ZC3H12A: variants seen among roughly 807,000 people sequenced by gnomAD.
ZC3H12A encodes zinc finger CCCH-type containing 12A.
In ZC3H12A, 9 loss-of-function variants were observed where a neutral mutation model predicts 29.9. The ratio of observed to expected loss-of-function variants is 0.30; its 90% confidence interval spans 0.18 to 0.53. The LOEUF (loss-of-function observed/expected upper bound fraction) is 0.53, where lower values mean the gene tolerates loss of function less well. Ranked by LOEUF, ZC3H12A falls within the 20% of genes least tolerant of loss-of-function variation. ZC3H12A has a pLI of 0.96. For missense variants in ZC3H12A, 617 were observed against 799.0 expected, an observed-to-expected ratio of 0.77 and a Z score of 2.75; for synonymous variants, 323 against 338.1, an observed-to-expected ratio of 0.96 and a Z score of 0.49.
Position 37,475,441 on chromosome 1 carries a change from AC to A in ZC3H12A, c.-38-15del. On this transcript the variant is annotated splice_polypyrimidine_tract_variant and intron_variant, in intron 1 of 5. Coordinates refer to ENST00000373087, the MANE Select transcript of ZC3H12A (RefSeq NM_025079.3). The surrounding 1 kb of genome is among the most constrained non-coding windows in gnomAD (Gnocchi z 5.2). ...GAGAGAGCGCTATTCACCGTCCCTA[AC>A]CCTGTTGGTTGTTCAGTAGGAGCTG... 6.5e-7 allele frequency: 1 copy of A among 1,539,868 alleles called. No homozygotes were observed. The highest frequency in any genetic ancestry group is 8.7e-7 in the Non-Finnish European group (1 of 1,142,934).
chr1:37,483,638 C>G lies in ZC3H12A; in HGVS notation c.*27C>G. The G allele has an allele frequency of 1.3e-6, 2 of 1,556,536 alleles. No individual in the cohort carries two copies. Among genetic ancestry groups the G allele is most frequent in the African/African-American group, 1.4e-5 (1 of 73,696 alleles). On this transcript the variant is annotated 3_prime_UTR_variant, in exon 6 of 6. Coordinates refer to ENST00000373087, the MANE Select transcript of ZC3H12A (RefSeq NM_025079.3). Reference sequence around the variant, plus strand: ...CTGCCTGTGGCTGGCAAGGGCAGCACCCCCAGCCTCCAAGGGCCGTCAGGC... The same window carrying G: ...CTGCCTGTGGCTGGCAAGGGCAGCAGCCCCAGCCTCCAAGGGCCGTCAGGC...
rs41267297 is a variant in ZC3H12A, at chr1:37,476,061, G to A, written c.443+122G>A. ...TGGAAGAAGTGACTTCCTTCTTAGG[G>A]ACTGGTCTAGAGGGAGGGAAAGCCT... On this transcript the variant is annotated intron_variant, in intron 2 of 5. Coordinates refer to ENST00000373087, the MANE Select transcript of ZC3H12A (RefSeq NM_025079.3). The surrounding 1 kb of genome is among the most constrained non-coding windows in gnomAD (Gnocchi z 6.0). 129,593 of 1,092,878 alleles carry A rather than the reference G, an allele frequency of 0.12. 9,576 individuals carry two copies. The highest frequency in any genetic ancestry group is 0.38 in the East Asian group (14,378 of 37,746). The allele number at this position is 1,092,878 out of a possible 1,614,324, so 67.7% of individuals were successfully genotyped here. A position where few individuals can be genotyped will look rare whatever the true frequency, so the allele number is the denominator to read the frequency against.
intron 2 of ZC3H12A, among the ~76,000 whole-genome samples, chr1:37,477,304 T>A (rs1404022138): frequency 6.6e-6 from 1 of 152,122 alleles, no homozygotes; most frequent in Non-Finnish European, 1.5e-5. Context: ...TATGTGTTTG[T>A]ATCCAGAAGG....
At chr1:37,480,030 G>A in intron 2 of ZC3H12A, 2 of 1,210,150 alleles carry the variant, frequency 1.7e-6, no homozygotes, top group East Asian at 3.5e-5. Context: ...GAAAGTCCCA[G>A]CGGGGCCTGG....
rs916875671 is a variant in ZC3H12A at position 37,474,594 on chromosome 1, T to C, written c.-74T>C. On this transcript the variant is annotated 5_prime_UTR_variant, in exon 1 of 6. An upstream start codon of the reference 5' UTR is lost. Transcript: ENST00000373087. ...TCCTTACCCCCAGGACTCGGCCCCA[T>C]GGAGACGCCGCCGGCCGCCGCTGGC... 2 of 151,614 alleles carry C rather than the reference T, an allele frequency of 1.3e-5. No individual in the cohort carries two copies. The highest frequency in any genetic ancestry group is 4.8e-5 in the African/African-American group (2 of 41,322). The allele number at this position is 151,614 out of a possible 1,614,324, so 9.4% of individuals were successfully genotyped here.
Position 37,476,380 on chromosome 1 carries a change from G to A in ZC3H12A, c.443+441G>A, listed in dbSNP as rs1459507754. ...GTAGTGGTAGTAGGCAGTGGTAGTAGCAGTTGTTGTTGTTATTTCAGGGGC... is the reference window on the plus strand; with the variant it reads ...GTAGTGGTAGTAGGCAGTGGTAGTAACAGTTGTTGTTGTTATTTCAGGGGC... On this transcript the variant is annotated intron_variant, in intron 2 of 5. Transcript: ENST00000373087. The surrounding 1 kb of genome is among the most constrained non-coding windows in gnomAD (Gnocchi z 6.0). Among the ~76,000 whole-genome samples the A allele has an allele frequency of 1.3e-5, 2 of 152,196 alleles. No homozygotes were observed. The highest frequency in any genetic ancestry group is 2.9e-5 in the Non-Finnish European group (2 of 68,028).
At position 37,475,439 on chromosome 1, in the gene ZC3H12A, T is replaced by C; in HGVS notation, c.-38-20T>C. 6.5e-7 allele frequency: 1 copy of C among 1,538,002 alleles called. No homozygotes were observed. The highest frequency in any genetic ancestry group is 8.8e-7 in the Non-Finnish European group (1 of 1,142,020). On this transcript the variant is annotated intron_variant, in intron 1 of 5. Coordinates refer to ENST00000373087, the MANE Select transcript of ZC3H12A (RefSeq NM_025079.3). This position sits in a 1 kb window ranked among gnomAD's most constrained non-coding sequence, Gnocchi z 5.2. ...AGGAGAGAGCGCTATTCACCGTCCC[T>C]AACCCTGTTGGTTGTTCAGTAGGAG...
At chr1:37,480,927 G>C (rs1485958607) in intron 3 of ZC3H12A, among the ~76,000 whole-genome samples, 1 of 152,230 alleles carries the variant, frequency 6.6e-6, no homozygotes, top group Non-Finnish European at 1.5e-5. Flanking sequence ...GCTGAGAAGA[G>C]TACCTGGCAC....
Position 37,478,806 on chromosome 1 carries a change from T to C in ZC3H12A, c.444-1484T>C. On this transcript the variant is annotated intron_variant, in intron 2 of 5. Coordinates refer to ENST00000373087, the MANE Select transcript of ZC3H12A (RefSeq NM_025079.3). This position sits in a 1 kb window ranked among gnomAD's most constrained non-coding sequence, Gnocchi z 5.2. Reference sequence around the variant, plus strand: ...CTGATGATTCAGTGTTAGACACTTATAACAGGGCCTGGTTCACAGCTCTCA... The same window carrying C: ...CTGATGATTCAGTGTTAGACACTTACAACAGGGCCTGGTTCACAGCTCTCA... 4 of 981,328 alleles carry C rather than the reference T, an allele frequency of 4.1e-6. No individual in the cohort carries two copies. The highest frequency in any genetic ancestry group is 4.7e-5 in the South Asian group (1 of 21,220). 60.8% of individuals were successfully genotyped at this position (981,328 alleles called of 1,614,324 possible). A position where few individuals can be genotyped will look rare whatever the true frequency, so the allele number is the denominator to read the frequency against.
chr1:37,482,859 A>G lies in ZC3H12A; in HGVS notation c.1048A>G (p.Ser350Gly), dbSNP rs745430492. The G allele has an allele frequency of 3.7e-6, 6 of 1,613,984 alleles. No individual in the cohort carries two copies. The highest frequency in any genetic ancestry group is 5.1e-6 in the Non-Finnish European group (6 of 1,180,042). ...NALLSPPRAP[S>G]KDKNGRRPSP... ...TCTCCTCTCACCCCCCAGAGCCCCAAGCAAGGACAAAAATGGCCGGCGGCC... is the reference window on the plus strand; with the variant it reads ...TCTCCTCTCACCCCCCAGAGCCCCAGGCAAGGACAAAAATGGCCGGCGGCC... Residue 350 changes from serine (S) to glycine (G), a missense_variant, in exon 6 of 6, where the codon AGC (serine) becomes GGC (glycine). Coordinates refer to ENST00000373087, the MANE Select transcript of ZC3H12A (RefSeq NM_025079.3).
At chr1:37,481,972 C>A in intron 4 of ZC3H12A, 137 bp downstream of exon 4, 2 of 817,544 alleles carry the variant, frequency 2.4e-6, no homozygotes, top group South Asian at 1.7e-5. Context: ...TGGCTCCAGG[C>A]AGCTTTGAGA....
At chr1:37,480,109 C>T in intron 2 of ZC3H12A, 181 bp from the exon 3 acceptor site, 2 of 1,323,800 alleles carry the variant, frequency 1.5e-6, no homozygotes, top group African/African-American at 1.5e-5. Flanking sequence ...CTGCAGAGGG[C>T]CAGGGCCTGA....
chr1:37,480,213 C>T, intron 2 of ZC3H12A, 77 bp from the exon 3 acceptor site: 1 of 1,550,312 alleles, frequency 6.5e-7, no homozygotes. Context: ...GGTGTGACCA[C>T]CTCCCTCCTC....
At position 37,475,916 on chromosome 1, in the gene ZC3H12A, C is replaced by A. The variant is rs200024950; in HGVS notation, c.420C>A (p.Ile140=). The change falls in exon 2 of 6, where the codon ATC becomes ATA. Residue 140 remains isoleucine, a synonymous_variant. Coordinates refer to ENST00000373087, the MANE Select transcript of ZC3H12A (RefSeq NM_025079.3). The surrounding 1 kb of genome is among the most constrained non-coding windows in gnomAD (Gnocchi z 5.2). ...KEGSDLRPVV[I]DGSNVAMSHG... ...GCAGCGACCTGAGACCAGTGGTCATCGATGGGAGCAACGTGGCCATGAGGT... is the reference window on the plus strand; with the variant it reads ...GCAGCGACCTGAGACCAGTGGTCATAGATGGGAGCAACGTGGCCATGAGGT... 4.0e-6 allele frequency: 6 copies of A among 1,515,390 alleles called. No homozygotes were observed. The African/African-American group carries it at 4.2e-5, about 11-fold the overall frequency. 93.9% of individuals were successfully genotyped at this position (1,515,390 alleles called of 1,614,324 possible). A position where few individuals can be genotyped will look rare whatever the true frequency, so the allele number is the denominator to read the frequency against.
At position 37,479,421 on chromosome 1, in the gene ZC3H12A, T is replaced by C. The variant is rs539933565; in HGVS notation, c.444-869T>C. The stretch of plus-strand genomic sequence containing the variant: ...GCCCAGGAGCCCTGCCAGGCTTCCT[T>C]CTGGGTGCAGCCACCTGTGGGTGGG... On this transcript the variant is annotated intron_variant, in intron 2 of 5. Transcript: ENST00000373087. The surrounding 1 kb of genome is among the most constrained non-coding windows in gnomAD (Gnocchi z 4.5). The C allele has an allele frequency of 1.0e-6, 1 of 985,420 alleles. No individual in the cohort carries two copies. The highest frequency in any genetic ancestry group is 4.7e-5 in the South Asian group (1 of 21,292). 61.0% of individuals were successfully genotyped at this position (985,420 alleles called of 1,614,324 possible). A position where few individuals can be genotyped will look rare whatever the true frequency, so the allele number is the denominator to read the frequency against.
intron 2 of ZC3H12A, 24 bp from the exon 3 acceptor site, chr1:37,480,266 C>G (rs774990977): frequency 3.1e-6 from 5 of 1,605,620 alleles, no homozygotes; most frequent in Non-Finnish European, 4.3e-6. Context: ...TCAGTGTGGG[C>G]TAACCCTGTC....
rs1641653141 is a variant in ZC3H12A at position 37,479,381 on chromosome 1, C to T, written c.444-909C>T. On this transcript the variant is annotated intron_variant, in intron 2 of 5. Transcript: ENST00000373087. This position sits in a 1 kb window ranked among gnomAD's most constrained non-coding sequence, Gnocchi z 4.5. ...CTGGGCCCATTTTCAGATAGAGGAA[C>T]GGAGAGCTGCGGCAGCCCAGGAGCC... 6.1e-6 allele frequency: 6 copies of T among 985,302 alleles called. No individual in the cohort carries two copies. The highest frequency in any genetic ancestry group is 1.7e-5 in the African/African-American group (1 of 57,236). 61.0% of individuals were successfully genotyped at this position (985,302 alleles called of 1,614,324 possible). A position where few individuals can be genotyped will look rare whatever the true frequency, so the allele number is the denominator to read the frequency against.
At chr1:37,480,682 C>T (rs1641683538) in intron 3 of ZC3H12A, among the ~76,000 whole-genome samples, 1 of 152,208 alleles carries the variant, frequency 6.6e-6, no homozygotes, top group African/African-American at 2.4e-5. Flanking sequence ...TTTCAACATC[C>T]CCAGTGGCAG....
chr1:37,476,538 T>G lies in ZC3H12A; in HGVS notation c.443+599T>G, dbSNP rs1641594354. On this transcript the variant is annotated intron_variant, in intron 2 of 5. Transcript: ENST00000373087. The surrounding 1 kb of genome is among the most constrained non-coding windows in gnomAD (Gnocchi z 6.0). ...GGGCAGGTGGCCTGATGCTCTGGCC[T>G]CAGGCGAGCTGCAACTTGGATCCCT... 6.6e-6 allele frequency among the ~76,000 whole-genome samples: 1 copy of G among 152,144 alleles called. No individual in the cohort carries two copies. The highest frequency in any genetic ancestry group is 1.5e-5 in the Non-Finnish European group (1 of 68,024).
Sources: gnomAD v4.1 joint callset for allele counts (sites outside exome capture counted in the v4.1 genomes callset) on GRCh38, gnomAD v4.1.1 for gene constraint, Gnocchi (gnomAD v3.1) non-coding constraint, MANE v1.5 for transcripts, NCBI Gene and HGNC (gene_info 2026-07-23, HGNC 2026-07-21) for gene names.